Variants in NID2 observed in about 807,000 individuals in gnomAD.
NID2 encodes the protein nidogen-2.
A neutral mutation model predicts 145.4 loss-of-function variants in NID2; 83 were observed. The observed-to-expected ratio is 0.57, with a 90% confidence interval of 0.48 to 0.69. NID2 has a LOEUF of 0.69. NID2 is among the 30% of genes least tolerant of loss of function. The pLI is 0.00. For synonymous variants in NID2, 739 were observed against 701.3 expected (o/e 1.05, Z -0.85); for missense variants, 1,807 against 1,765.7 (o/e 1.02, Z -0.42).
intron 12 of NID2, among the ~76,000 whole-genome samples, chr14:52,021,405 C>T (rs1009888643): frequency 2.6e-5 from 4 of 152,174 alleles, no homozygotes; most frequent in South Asian, 4.1e-4. Context: ...TCCCATGACC[C>T]ACATGGAACC....
chr14:52,019,828 G>A (rs1891337859), intron 13 of NID2, among the ~76,000 whole-genome samples: 1 of 152,170 alleles, frequency 6.6e-6, no homozygotes, highest in African/African-American at 2.4e-5. Flanking sequence ...AACCAGAGGG[G>A]CTATGAGGTA....
chr14:52,015,226 C>G lies in NID2; in HGVS notation c.3078G>C (p.Leu1026=). 1 of 1,613,760 alleles carries G rather than the reference C, an allele frequency of 6.2e-7. No individual in the cohort carries two copies. The highest frequency in any genetic ancestry group is 1.3e-5 in the African/African-American group (1 of 75,044). ...GGGGGGTGCCACCGTAGTGCTCCAG[C>G]AGGTTTTCCCTCCAGCGCTCACAGA... ...PTICERWREN[L]LEHYGGTPRD... The change falls in exon 15 of 22, where the codon CTG becomes CTC. Residue 1026 remains leucine, a synonymous_variant. Transcript: ENST00000216286.
In NID2 at chr14:52,038,892, G is replaced by C. The variant is rs771140173; in HGVS notation, c.2112C>G (p.Ile704Met). ...GGGCGTGCCTGCACACCTGGTAAGT[G>C]ATGTTCTGGTGGATGCGGTAGGACC... The part of the protein sequence containing the change: ...QTWSYRIHQN[I>M]TYQVCRHAPR... Residue 704 changes from isoleucine (I) to methionine (M), a missense_variant, in exon 9 of 22, where the codon ATC (isoleucine) becomes ATG (methionine). Ile to Met is a conservative substitution (Grantham distance 10). Transcript: ENST00000216286. The C allele has an allele frequency of 6.8e-6, 11 of 1,614,082 alleles. No homozygotes were observed. In the East Asian group the frequency reaches 2.5e-4, roughly 36 times the overall value.
At chr14:52,011,743 T>A in intron 16 of NID2, 60 bp from the exon 17 acceptor site, 1 of 1,597,812 alleles carries the variant, frequency 6.3e-7, no homozygotes, top group Non-Finnish European at 8.6e-7. Flanking sequence ...TTGTTCACAC[T>A]CAGCTGCCTT....
In NID2 at chr14:52,014,959, G is replaced by C. The variant is rs1891164132; in HGVS notation, c.3250+95C>G. ...AGTGACTTCTTTCATTAGACCTGGT[G>C]ACCCCACATGTCCCCCCACTTCACC... On this transcript the variant is annotated intron_variant, in intron 15 of 21. Transcript: ENST00000216286. 4.1e-6 allele frequency: 4 copies of C among 969,646 alleles called. No homozygotes were observed. The Admixed American group carries it at 8.3e-5, about 20-fold the overall frequency. 60.1% of individuals were successfully genotyped at this position (969,646 alleles called of 1,614,324 possible).
intron 9 of NID2, among the ~76,000 whole-genome samples, chr14:52,036,763 G>T (rs745514369): frequency 6.6e-6 from 1 of 152,220 alleles, no homozygotes; most frequent in Non-Finnish European, 1.5e-5. Flanking sequence ...TAATGATGCT[G>T]AGCATCTTTA....
At chr14:52,060,095 G>C (rs889671877) in intron 3 of NID2, 29 bp downstream of exon 3, 16 of 1,505,914 alleles carry the variant, frequency 1.1e-5, no homozygotes, top group African/African-American at 1.4e-5. Flanking sequence ...TATTCAAATA[G>C]GAAAGGGCTT....
intron 8 of NID2, among the ~76,000 whole-genome samples, chr14:52,040,412 T>C (rs1892236151): frequency 6.6e-6 from 1 of 152,226 alleles, no homozygotes; most frequent in African/African-American, 2.4e-5. Context: ...AATGTTGCTA[T>C]TGATTTTATT....
rs1566766921 is a variant in NID2, at chr14:52,046,340, A to AG, written c.1430-3410_1430-3409insC. Among the ~76,000 whole-genome samples the AG allele has an allele frequency of 9.0e-4, 24 of 26,686 alleles. 4 individuals are homozygous for AG. Among genetic ancestry groups the AG allele is most frequent in the Middle Eastern group, 0.026 (1 of 38 alleles). The allele number at this position is 26,686 out of a possible 152,430, so 17.5% of individuals were successfully genotyped here. A position where few individuals can be genotyped will look rare whatever the true frequency, so the allele number is the denominator to read the frequency against. ...TCCATCTCAAAAAAAAAAAAAAAAA[A>AG]AAGCCGTTTTCATAATATTCAGATA... On this transcript the variant is annotated intron_variant, in intron 5 of 21. Transcript: ENST00000216286.
Position 52,038,634 on chromosome 14 carries a change from C to T in NID2, c.2257+113G>A, listed in dbSNP as rs144382087. 341 of 786,218 alleles carry T rather than the reference C, an allele frequency of 4.3e-4. No individual in the cohort carries two copies. In the African/African-American group the frequency reaches 5.3e-3, roughly 12 times the overall value. 48.7% of individuals were successfully genotyped at this position (786,218 alleles called of 1,614,324 possible). On this transcript the variant is annotated intron_variant, in intron 9 of 21. Transcript: ENST00000216286. Reference sequence around the variant, plus strand: ...AGGATCTGCTCTATTCATCCTTATACCTAGCACATAACACAGCATGGCACT... The same window carrying T: ...AGGATCTGCTCTATTCATCCTTATATCTAGCACATAACACAGCATGGCACT...
chr14:52,020,600 G>C (rs905957137), intron 12 of NID2, among the ~76,000 whole-genome samples: 1 of 151,708 alleles, frequency 6.6e-6, no homozygotes, highest in Non-Finnish European at 1.5e-5. Context: ...TTTCGTTGTT[G>C]GCACCATCTC....
At chr14:52,039,152 G>T (rs1377038824) in intron 8 of NID2, among the ~76,000 whole-genome samples, 175 bp from the exon 9 acceptor site, 1 of 152,160 alleles carries the variant, frequency 6.6e-6, no homozygotes, top group Non-Finnish European at 1.5e-5. Flanking sequence ...TGGATGCAAA[G>T]CCACAGTGCT....
intron 12 of NID2, 117 bp from the exon 13 acceptor site, chr14:52,020,295 C>G (rs1008049980): frequency 7.3e-6 from 11 of 1,503,854 alleles, no homozygotes; most frequent in African/African-American, 7.1e-5. Context: ...GTGTCAGCTT[C>G]AGAAGACCTT....
At chr14:52,065,112 C>A (rs1337214891) in intron 2 of NID2, among the ~76,000 whole-genome samples, 1 of 152,064 alleles carries the variant, frequency 6.6e-6, no homozygotes, top group Non-Finnish European at 1.5e-5. Context: ...GATACAATTA[C>A]ACCTTGACAT....
chr14:52,052,967 G>A lies in NID2; in HGVS notation c.1429+612C>T, dbSNP rs75671715. Among the ~76,000 whole-genome samples the A allele has an allele frequency of 5.4e-4, 82 of 152,336 alleles. No individual in the cohort carries two copies. In the East Asian group the frequency reaches 0.016, roughly 29 times the overall value. On this transcript the variant is annotated intron_variant, in intron 5 of 21. Coordinates refer to ENST00000216286, the MANE Select transcript of NID2 (RefSeq NM_007361.4). ...CCCTCCTCGCCTCTCAGTCCGATCAGTGGGTCATGAAATGAGGACAAGGCT... is the reference window on the plus strand; with the variant it reads ...CCCTCCTCGCCTCTCAGTCCGATCAATGGGTCATGAAATGAGGACAAGGCT...
intron 5 of NID2, among the ~76,000 whole-genome samples, chr14:52,048,598 G>A (rs1892585783): frequency 6.6e-6 from 1 of 152,106 alleles, no homozygotes; most frequent in African/African-American, 2.4e-5. Flanking sequence ...ATTCTAGTTA[G>A]AAGATATCTC....
chr14:52,059,512 A>G (rs1892957941), intron 3 of NID2, among the ~76,000 whole-genome samples: 1 of 152,234 alleles, frequency 6.6e-6, no homozygotes, highest in Non-Finnish European at 1.5e-5. Context: ...GGCAAAATGC[A>G]GAAGAGCTTA....
chr14:52,014,211 T>G (rs1366235691), intron 16 of NID2, 76 bp downstream of exon 16: 1 of 1,583,992 alleles, frequency 6.3e-7, no homozygotes. Context: ...TCCACCTCAC[T>G]GCAACAGGGC....
intron 2 of NID2, 142 bp from the exon 3 acceptor site, chr14:52,060,498 G>T (rs901179244): frequency 2.2e-6 from 1 of 464,654 alleles, no homozygotes; most frequent in Non-Finnish European, 3.7e-6. Flanking sequence ...CCTCCAAATT[G>T]TTTTTAAACA....
Sources: allele counts gnomAD v4.1 joint callset (sites outside exome capture counted in the v4.1 genomes callset), GRCh38; gene constraint gnomAD v4.1.1; transcripts MANE v1.5; gene names NCBI Gene and HGNC (gene_info 2026-07-23, HGNC 2026-07-21).